The following WDR27 variants were observed in gnomAD, a reference collection of about 807,000 sequenced individuals.
The protein encoded by WDR27 is WD repeat domain 27, also known as WD repeat-containing protein 27.
Under a neutral mutation model 114.4 loss-of-function variants are expected in WDR27, and 100 were observed. The observed-to-expected ratio is 0.87, with a 90% CI of 0.74 to 1.03. The LOEUF (loss-of-function observed/expected upper bound fraction) is 1.03. WDR27 is among the 50% of genes least tolerant of loss of function. The pLI is 0.00. For synonymous variants in WDR27, 449 were observed against 423.1 expected (o/e 1.06, Z -0.75); for missense variants, 1,129 against 1,092.9 (o/e 1.03, Z -0.47).
At chr6:169,671,055 T>C (rs191482593) in intron 3 of WDR27, 61 of 170,942 alleles carry the variant, frequency 3.6e-4, no homozygotes, top group African/African-American at 1.2e-3. Flanking sequence ...TCAGCTAACA[T>C]TGATTGGAAG....
intron 25 of WDR27, among the ~76,000 whole-genome samples, chr6:169,557,818 T>G (rs1308507878): frequency 6.6e-6 from 1 of 152,078 alleles, no homozygotes; most frequent in Non-Finnish European, 1.5e-5. Context: ...TGCATTCCCC[T>G]CCACTTAATA....
chr6:169,588,074 G>A (rs899907995), intron 23 of WDR27, among the ~76,000 whole-genome samples: 2 of 152,156 alleles, frequency 1.3e-5, no homozygotes, highest in Non-Finnish European at 1.5e-5. Context: ...ATAAGAGACC[G>A]CCTTTTACGG....
intron 25 of WDR27, among the ~76,000 whole-genome samples, chr6:169,527,664 C>A (rs1405856246): frequency 6.6e-6 from 1 of 151,982 alleles, no homozygotes; most frequent in Non-Finnish European, 1.5e-5. Context: ...TAGAAATATA[C>A]AATAAAATAT....
At chr6:169,670,453 A>G in intron 4 of WDR27, 116 bp downstream of exon 4, 1 of 1,185,322 alleles carries the variant, frequency 8.4e-7, no homozygotes, top group Non-Finnish European at 1.2e-6. Flanking sequence ...TTGAAGATAT[A>G]GCTTAAAAAA....
At chr6:169,657,151 A>C (rs1408599005) in intron 13 of WDR27, among the ~76,000 whole-genome samples, 1 of 152,200 alleles carries the variant, frequency 6.6e-6, no homozygotes, top group African/African-American at 2.4e-5. Context: ...ACGAACAAGC[A>C]AACAGCTCCA....
At chr6:169,465,275 A>G (rs1284262482) in intron 25 of WDR27, among the ~76,000 whole-genome samples, 1 of 151,136 alleles carries the variant, frequency 6.6e-6, no homozygotes, top group Admixed American at 6.6e-5. Flanking sequence ...AAAAAAAAAA[A>G]AAAAAAGAAA....
rs1011073639 is a variant in WDR27, at chr6:169,570,480, T to G, written c.2645+1939A>C. ...GGAATACTTGCAGTAAATCATGCAATTCTCTTTACGGACATAGGTTTACTC... is the reference window on the plus strand; with the variant it reads ...GGAATACTTGCAGTAAATCATGCAAGTCTCTTTACGGACATAGGTTTACTC... On this transcript the variant is annotated intron_variant, in intron 25 of 25. Transcript: ENST00000448612. 5.9e-5 allele frequency among the ~76,000 whole-genome samples: 9 copies of G among 152,300 alleles called. No homozygotes were observed. The East Asian group carries it at 1.7e-3, about 29-fold the overall frequency.
chr6:169,486,229 A>T (rs1425196997), intron 25 of WDR27, among the ~76,000 whole-genome samples: 1 of 151,906 alleles, frequency 6.6e-6, no homozygotes, highest in African/African-American at 2.4e-5. Context: ...ACACTCATAC[A>T]TTCTTGGTGG....
chr6:169,633,127 T>C, intron 20 of WDR27, 59 bp from the exon 21 acceptor site: 1 of 1,495,884 alleles, frequency 6.7e-7, no homozygotes, highest in Non-Finnish European at 9.0e-7. Flanking sequence ...GAAGGGACAG[T>C]TCCCTCTCTT....
intron 25 of WDR27, among the ~76,000 whole-genome samples, chr6:169,489,513 C>T (rs1056304290): frequency 5.3e-5 from 8 of 152,142 alleles, no homozygotes; most frequent in Non-Finnish European, 1.0e-4. Context: ...GGCCGTCGCC[C>T]GCTGTGATCT....
At chr6:169,461,751 T>A (rs1784934272) in intron 25 of WDR27, among the ~76,000 whole-genome samples, 4 of 139,890 alleles carry the variant, frequency 2.9e-5, no homozygotes, top group South Asian at 2.3e-4. Flanking sequence ...GCAGAGGAAG[T>A]AAATAAGAAA....
chr6:169,436,582 G>A, the WDR27 span, among the ~76,000 whole-genome samples: 1 of 151,970 alleles, frequency 6.6e-6, no homozygotes, highest in Non-Finnish European at 1.5e-5. Context: ...TCTGTCTAAT[G>A]TCTCAGTTTT....
intron 2 of WDR27, among the ~76,000 whole-genome samples, chr6:169,677,166 T>A (rs184475138): frequency 6.6e-6 from 1 of 152,186 alleles, no homozygotes; most frequent in Non-Finnish European, 1.5e-5. Flanking sequence ...GAGGGAAACT[T>A]TGGAACTTCT....
Position 169,670,556 on chromosome 6 carries a change from A to T in WDR27, c.456+13T>A, listed in dbSNP as rs1778440413. ...AAACCCTTCCGTGAAATCCACGTGA[A>T]TTTCAATCTTACCTCAATATCCAGC... On this transcript the variant is annotated intron_variant, in intron 4 of 25. Coordinates refer to ENST00000448612, the MANE Select transcript of WDR27 (RefSeq NM_182552.5). 1.9e-6 allele frequency: 3 copies of T among 1,614,024 alleles called. No individual in the cohort carries two copies. Among genetic ancestry groups the T allele is most frequent in the Non-Finnish European group, 2.5e-6 (3 of 1,179,878 alleles).
chr6:169,529,284 G>A (rs185206439), intron 25 of WDR27, among the ~76,000 whole-genome samples: 175 of 123,634 alleles, frequency 1.4e-3, no homozygotes, highest in African/African-American at 4.8e-3. Context: ...AAGTTTACAC[G>A]CTAGCACGTT....
chr6:169,566,488 G>T (rs148431569), intron 25 of WDR27, among the ~76,000 whole-genome samples: 1 of 152,228 alleles, frequency 6.6e-6, no homozygotes, highest in Non-Finnish European at 1.5e-5. Context: ...GAAACAAAAT[G>T]ACAACTCAAA....
intron 5 of WDR27, 53 bp from the exon 6 acceptor site, chr6:169,667,240 C>T (rs1024731265): frequency 1.3e-5 from 19 of 1,436,164 alleles, no homozygotes; most frequent in Admixed American, 3.1e-5. Context: ...GCCATTATTG[C>T]AACAGGTGAA....
chr6:169,505,153 A>G (rs1224148884), intron 25 of WDR27, among the ~76,000 whole-genome samples: 1 of 152,206 alleles, frequency 6.6e-6, no homozygotes, highest in African/African-American at 2.4e-5. Context: ...ATGAATGTAG[A>G]TCATATAAAA....
chr6:169,673,535 T>C (rs1344177029), intron 2 of WDR27, among the ~76,000 whole-genome samples: 4 of 151,612 alleles, frequency 2.6e-5, no homozygotes, highest in African/African-American at 9.7e-5. Flanking sequence ...GGTAACAAGA[T>C]TATATATAGG....
Sources: allele counts gnomAD v4.1 joint callset (sites outside exome capture counted in the v4.1 genomes callset), GRCh38; gene constraint gnomAD v4.1.1; transcripts MANE v1.5; gene names NCBI Gene and HGNC (gene_info 2026-07-23, HGNC 2026-07-21).